Variants in BBS7 observed in about 807,000 individuals in gnomAD.
The protein encoded by BBS7 is Bardet-Biedl syndrome 7, also known as BBSome complex member BBS7.
In BBS7, 50 loss-of-function variants were observed where a neutral mutation model predicts 90.3. That is an observed-to-expected ratio of 0.55 (90% CI 0.44 to 0.70). The LOEUF (loss-of-function observed/expected upper bound fraction) is 0.70, where lower values mean the gene tolerates loss of function less well. Ranked by LOEUF, BBS7 falls within the 30% of genes least tolerant of loss-of-function variation. The pLI, the probability that BBS7 is intolerant of heterozygous loss-of-function variation, is 0.00. For missense variants in BBS7, 729 were observed against 838.9 expected, an observed-to-expected ratio of 0.87 and a Z score of 1.62; for synonymous variants, 235 against 287.4, an observed-to-expected ratio of 0.82 and a Z score of 1.85.
rs1328906523 is a variant in BBS7, at chr4:121,863,272, A to G, written c.110T>C (p.Ile37Thr). 3.7e-6 allele frequency: 6 copies of G among 1,612,842 alleles called. No homozygotes were observed. Among genetic ancestry groups the G allele is most frequent in the East Asian group, 4.5e-5 (2 of 44,842 alleles). Residue 37 changes from isoleucine to threonine, a missense_variant, in exon 3 of 19, where the codon ATT (isoleucine) becomes ACT (threonine). By Grantham distance (89) the Ile-to-Thr change is moderately conservative. Coordinates refer to ENST00000264499, the MANE Select transcript of BBS7 (RefSeq NM_176824.3). ...CATAACTACCCCATCATGATCTCCA[A>G]TAACCACCTGTAATAGATGGAAGAT... ...SRHRATQKVV[I>T]GDHDGVVMCF...
intron 18 of BBS7, among the ~76,000 whole-genome samples, chr4:121,826,396 T>A (rs930665041): frequency 2.0e-5 from 3 of 152,218 alleles, no homozygotes; most frequent in Non-Finnish European, 4.4e-5. Context: ...ATGTTGACCA[T>A]TCTTGGGATT....
rs1726405384 is a variant in BBS7 at position 121,853,020 on chromosome 4, T to C, written c.785A>G (p.Asp262Gly). Residue 262 changes from aspartate to glycine, a missense_variant, in exon 8 of 19, where the codon GAT (aspartate) becomes GGT (glycine). Transcript: ENST00000264499. ...ACTATACACTTCCACCATTCCGTCA[T>C]CTCTCCCAACAAGTAAATCTTTAAC... ...DGVKDLLVGR[D>G]DGMVEVYSFD... The C allele has an allele frequency of 6.2e-7, 1 of 1,613,840 alleles. No homozygotes were observed. The highest frequency in any genetic ancestry group is 8.5e-7 in the Non-Finnish European group (1 of 1,179,814).
At chr4:121,839,457 G>A (rs1725615623) in intron 13 of BBS7, among the ~76,000 whole-genome samples, 174 bp downstream of exon 13, 1 of 152,130 alleles carries the variant, frequency 6.6e-6, no homozygotes, top group South Asian at 2.1e-4. Flanking sequence ...TAATAGCAGA[G>A]ATTGTGGTGT....
chr4:121,827,564 C>T (rs984935742), intron 18 of BBS7, among the ~76,000 whole-genome samples: 1 of 152,168 alleles, frequency 6.6e-6, no homozygotes. Flanking sequence ...TACAACAGGT[C>T]TTATGTAAAG....
intron 10 of BBS7, 41 bp downstream of exon 10, chr4:121,847,363 C>T (rs1253893499): frequency 3.0e-6 from 4 of 1,326,288 alleles, no homozygotes; most frequent in African/African-American, 2.9e-5. Context: ...CCACACACTT[C>T]ATGAGATTTT....
At chr4:121,863,131 T>C in intron 3 of BBS7, 86 bp downstream of exon 3, 2 of 1,311,356 alleles carry the variant, frequency 1.5e-6, no homozygotes, top group Non-Finnish European at 2.2e-6. Flanking sequence ...ACCTGTATTT[T>C]AGGAAATTTT....
Position 121,845,577 on chromosome 4 carries a change from G to T in BBS7, c.1157C>A (p.Thr386Lys). 1.2e-6 allele frequency: 2 copies of T among 1,612,636 alleles called. No individual in the cohort carries two copies. The highest frequency in any genetic ancestry group is 2.2e-5 in the South Asian group (2 of 91,038). ...VPSFGINDKF[T>K]LNKDDASYSL... ...GTAACTGGCATCATCTTTATTTAGTGTAAATTTATCATTTATACCAAAGGA... is the reference window on the plus strand; with the variant it reads ...GTAACTGGCATCATCTTTATTTAGTTTAAATTTATCATTTATACCAAAGGA... Residue 386 changes from threonine (T) to lysine (K), a missense_variant, in exon 11 of 19, where the codon ACA becomes AAA. Transcript: ENST00000264499.
At chr4:121,839,761 C>T (rs1725639441) in intron 12 of BBS7, 65 bp from the exon 13 acceptor site, 7 of 1,342,802 alleles carry the variant, frequency 5.2e-6, no homozygotes, top group African/African-American at 1.5e-5. Flanking sequence ...AAAAAGACAT[C>T]AATAATAATA....
intron 5 of BBS7, among the ~76,000 whole-genome samples, chr4:121,855,869 TGTATATGTAC>T (rs1250677292): frequency 2.1e-5 from 3 of 144,312 alleles, no homozygotes; most frequent in East Asian, 6.0e-4. Flanking sequence ...TGTGTATATA[TGTATATGTAC>T]ATATATGTAC....
rs1726406019 is a variant in BBS7 at position 121,853,028 on chromosome 4, A to C, written c.777T>G (p.Val259=). 6.2e-7 allele frequency: 1 copy of C among 1,613,774 alleles called. No individual in the cohort carries two copies. The highest frequency in any genetic ancestry group is 1.3e-5 in the African/African-American group (1 of 74,932). Reference sequence around the variant, plus strand: ...CTTCCACCATTCCGTCATCTCTCCCAACAAGTAAATCTTTAACCCCATCAC... The same window carrying C: ...CTTCCACCATTCCGTCATCTCTCCCCACAAGTAAATCTTTAACCCCATCAC... ...IVGDGVKDLL[V]GRDDGMVEVY... Residue 259 remains valine (V), a synonymous_variant, in exon 8 of 19, where the codon GTT becomes GTG. Coordinates refer to ENST00000264499, the MANE Select transcript of BBS7 (RefSeq NM_176824.3).
Position 121,825,681 on chromosome 4 carries a change from G to GTA in BBS7, c.*178_*179insTA, listed in dbSNP as rs1465862800. ...AAATAAAAAGACTCTTTTAGTTTTAGAAAGTTCAATTTGTCAAAAGAAATA... is the reference window on the plus strand; with the variant it reads ...AAATAAAAAGACTCTTTTAGTTTTAGTAAAAGTTCAATTTGTCAAAAGAAATA... On this transcript the variant is annotated 3_prime_UTR_variant, in exon 19 of 19. Transcript: ENST00000264499. 5.5e-5 allele frequency: 28 copies of GTA among 513,310 alleles called. No homozygotes were observed. In the East Asian group the frequency reaches 9.4e-4, roughly 17 times the overall value. The allele number at this position is 513,310 out of a possible 1,614,324, so 31.8% of individuals were successfully genotyped here. A position where few individuals can be genotyped will look rare whatever the true frequency, so the allele number is the denominator to read the frequency against.
rs1726167901 is a variant in BBS7 at position 121,849,051 on chromosome 4, T to G, written c.850-123A>C. ...AACATATATTTACTGAATGTTTATG[T>G]GCAGACACTCAGATTAGAAAGACAA... On this transcript the variant is annotated intron_variant, in intron 8 of 18. Transcript: ENST00000264499. The G allele has an allele frequency of 4.2e-6, 3 of 720,006 alleles. No individual in the cohort carries two copies. In the South Asian group the frequency reaches 4.7e-5, roughly 11 times the overall value. 44.6% of individuals were successfully genotyped at this position (720,006 alleles called of 1,614,324 possible). A position where few individuals can be genotyped will look rare whatever the true frequency, so the allele number is the denominator to read the frequency against.
chr4:121,849,014 C>T (rs1578550806), intron 8 of BBS7, 86 bp from the exon 9 acceptor site: 1 of 976,202 alleles, frequency 1.0e-6, no homozygotes, highest in East Asian at 2.4e-5. Flanking sequence ...TTTTCCCTGG[C>T]TCCAGACATT....
intron 15 of BBS7, among the ~76,000 whole-genome samples, chr4:121,830,194 G>C (rs566931200): frequency 2.6e-5 from 4 of 152,174 alleles, no homozygotes; most frequent in African/African-American, 9.7e-5. Flanking sequence ...TTGAGGTCAG[G>C]AGTTCGAGAC....
chr4:121,841,188 T>C (rs1031618826), intron 12 of BBS7, among the ~76,000 whole-genome samples: 1 of 152,132 alleles, frequency 6.6e-6, no homozygotes, highest in African/African-American at 2.4e-5. Context: ...TACTACAGTG[T>C]TTATCAATAA....
chr4:121,864,924 T>C (rs1395181395), intron 2 of BBS7, among the ~76,000 whole-genome samples: 5 of 152,230 alleles, frequency 3.3e-5, no homozygotes, highest in Non-Finnish European at 5.9e-5. Flanking sequence ...ACCTTCTTTT[T>C]AGCTATTTGA....
intron 11 of BBS7, among the ~76,000 whole-genome samples, chr4:121,844,346 G>T (rs113443677): frequency 8.1e-4 from 124 of 152,208 alleles, no homozygotes; most frequent in African/African-American, 2.8e-3. Context: ...CATTCTGATT[G>T]TATCAGTTCA....
intron 5 of BBS7, among the ~76,000 whole-genome samples, chr4:121,858,426 T>C (rs892613455): frequency 6.6e-6 from 1 of 152,192 alleles, no homozygotes; most frequent in Non-Finnish European, 1.5e-5. Flanking sequence ...CAAGAAGATA[T>C]AGTGGTAACT....
rs150930842 is a variant in BBS7, at chr4:121,839,567, A to C, written c.1371+64T>G. 7.1e-4 allele frequency: 902 copies of C among 1,266,852 alleles called. 2 individuals carry two copies. The African/African-American group carries it at 0.012, about 16-fold the overall frequency. The allele number at this position is 1,266,852 out of a possible 1,614,324, so 78.5% of individuals were successfully genotyped here. ...CAAACAAATAATATCATATGTTGTAAGACATACCAGCAGGAAAAAGGAAAT... is the reference window on the plus strand; with the variant it reads ...CAAACAAATAATATCATATGTTGTACGACATACCAGCAGGAAAAAGGAAAT... On this transcript the variant is annotated intron_variant, in intron 13 of 18. Transcript: ENST00000264499.
Sources: gnomAD v4.1 joint callset for allele counts (sites outside exome capture counted in the v4.1 genomes callset) on GRCh38, gnomAD v4.1.1 for gene constraint, MANE v1.5 for transcripts, NCBI Gene and HGNC (gene_info 2026-07-23, HGNC 2026-07-21) for gene names.